Variants in SCEL observed in about 807,000 individuals in gnomAD.
SCEL encodes sciellin.
Under a neutral mutation model 117.6 loss-of-function variants are expected in SCEL, and 113 were observed. The ratio of observed to expected loss-of-function variants is 0.96; its 90% CI spans 0.83 to 1.12. The LOEUF is 1.12. SCEL is among the 50% of genes most tolerant of loss of function. The probability of loss-of-function intolerance (pLI) is 0.00; values close to 1 mark genes in which losing one functional copy is unlikely to be tolerated. For synonymous variants in SCEL, 270 were observed against 256.2 expected (o/e 1.05, Z -0.51); for missense variants, 785 against 810.8 (o/e 0.97, Z 0.39).
intron 8 of SCEL, 44 bp downstream of exon 8, chr13:77,569,495 A>G (rs779957863): frequency 1.1e-5 from 16 of 1,443,698 alleles, no homozygotes; most frequent in Non-Finnish European, 1.6e-5. Flanking sequence ...ATACACTATG[A>G]AAGACTGCAT....
At chr13:77,563,775 C>CTT in intron 4 of SCEL, 56 bp from the exon 5 acceptor site, 2 of 1,334,250 alleles carry the variant, frequency 1.5e-6, no homozygotes, top group African/African-American at 3.0e-5. Context: ...GTTTTATAAA[C>CTT]TTTTTTTTTG....
chr13:77,592,455 G>C lies in SCEL; in HGVS notation c.692+995G>C, dbSNP rs764128446. Reference sequence around the variant, plus strand: ...TTATGTGTATTCCAAATCAGCAAAAGTCGGTTACATTTCCCAACTTACTTG... The same window carrying C: ...TTATGTGTATTCCAAATCAGCAAAACTCGGTTACATTTCCCAACTTACTTG... On this transcript the variant is annotated intron_variant, in intron 11 of 32. Transcript: ENST00000349847. 2.0e-5 allele frequency among the ~76,000 whole-genome samples: 3 copies of C among 152,104 alleles called. No homozygotes were observed. In the East Asian group the frequency reaches 5.8e-4, roughly 29 times the overall value.
chr13:77,609,189 C>A, intron 21 of SCEL, 72 bp downstream of exon 21: 1 of 1,145,748 alleles, frequency 8.7e-7, no homozygotes, highest in Non-Finnish European at 1.2e-6. Context: ...AGCATCATTT[C>A]AGCTGACTGA....
intron 27 of SCEL, among the ~76,000 whole-genome samples, 167 bp downstream of exon 27, chr13:77,618,227 C>T (rs1007560960): frequency 1.3e-5 from 2 of 151,848 alleles, no homozygotes; most frequent in African/African-American, 2.4e-5. Context: ...ATCACCCAGG[C>T]TGGGGCACAG....
intron 31 of SCEL, among the ~76,000 whole-genome samples, chr13:77,642,336 G>A (rs758872999): frequency 1.3e-5 from 2 of 152,108 alleles, no homozygotes; most frequent in African/African-American, 4.8e-5. Context: ...CTGAAGCAGC[G>A]GTCAGCCCTT....
Position 77,637,162 on chromosome 13 carries a change from AT to A in SCEL, c.1807del (p.Tyr603ThrfsTer28). 1 of 1,563,174 alleles carries A rather than the reference AT, an allele frequency of 6.4e-7. No homozygotes were observed. The highest frequency in any genetic ancestry group is 8.6e-7 in the Non-Finnish European group (1 of 1,156,878). ...GATATCAGGAGAATATCTCTGGAAA[AT>A]ACATACAAACTGTTTATTCAACTTC... ...DGYQENISGKYIQTVYSTSDR... is the reference protein window; with the variant it reads ...DGYQENISGKXIQTVYSTSDR... On this transcript the variant is annotated frameshift_variant, in exon 30 of 33. Coordinates refer to ENST00000349847, the MANE Select transcript of SCEL (RefSeq NM_144777.3). LOFTEE classifies it high-confidence loss of function.
intron 12 of SCEL, among the ~76,000 whole-genome samples, chr13:77,595,768 G>T (rs77426719): frequency 8.7e-6 from 1 of 114,428 alleles, no homozygotes. Flanking sequence ...TAATTTTTTT[G>T]TTGTTGTTAG....
chr13:77,602,405 A>T (rs1229750249), intron 16 of SCEL: 4 of 484,778 alleles, frequency 8.3e-6, no homozygotes, highest in Non-Finnish European at 1.5e-5. Flanking sequence ...AAATTAAGAA[A>T]TATAAAGGAC....
intron 32 of SCEL, 33 bp downstream of exon 32, chr13:77,642,841 G>T: frequency 8.2e-7 from 1 of 1,215,120 alleles, no homozygotes; most frequent in Non-Finnish European, 1.2e-6. Flanking sequence ...TTAACACTTT[G>T]GTTAACCTTA....
At chr13:77,639,162 G>A (rs898443261) in intron 30 of SCEL, among the ~76,000 whole-genome samples, 2 of 152,068 alleles carry the variant, frequency 1.3e-5, no homozygotes, top group African/African-American at 2.4e-5. Context: ...CTAGATCAGT[G>A]CCTGTGGAAT....
intron 9 of SCEL, among the ~76,000 whole-genome samples, chr13:77,586,241 C>T (rs1011417173): frequency 6.6e-6 from 1 of 152,128 alleles, no homozygotes; most frequent in African/African-American, 2.4e-5. Flanking sequence ...ACCTTCTCCC[C>T]GATGATCTTG....
chr13:77,638,186 C>G (rs1372193416), intron 30 of SCEL, among the ~76,000 whole-genome samples: 1 of 152,142 alleles, frequency 6.6e-6, no homozygotes, highest in African/African-American at 2.4e-5. Flanking sequence ...AAACATGAAC[C>G]TATGTTCCAT....
chr13:77,616,411 A>G (rs544594346), intron 24 of SCEL, among the ~76,000 whole-genome samples: 29 of 152,158 alleles, frequency 1.9e-4, no homozygotes, highest in African/African-American at 6.7e-4. Context: ...GTTTAGTTTT[A>G]TGACAGATTT....
chr13:77,589,791 T>A (rs542336827), intron 10 of SCEL, among the ~76,000 whole-genome samples: 1 of 152,154 alleles, frequency 6.6e-6, no homozygotes, highest in Non-Finnish European at 1.5e-5. Context: ...GATGTTCTAA[T>A]TGACTTGTCT....
chr13:77,616,296 T>G (rs1018786876), intron 24 of SCEL, among the ~76,000 whole-genome samples: 1 of 152,018 alleles, frequency 6.6e-6, no homozygotes. Flanking sequence ...TTTTTAAAAG[T>G]GTGGCTTTTG....
At chr13:77,555,039 T>A (rs1038776019) in intron 1 of SCEL, among the ~76,000 whole-genome samples, 1 of 152,142 alleles carries the variant, frequency 6.6e-6, no homozygotes, top group African/African-American at 2.4e-5. Context: ...AAGAAAAATA[T>A]TGATATAATA....
At chr13:77,567,596 A>T in intron 5 of SCEL, 84 bp from the exon 6 acceptor site, 1 of 906,932 alleles carries the variant, frequency 1.1e-6, no homozygotes, top group Non-Finnish European at 1.8e-6. Context: ...CTATGTTGTT[A>T]AGCTATTCTA....
At chr13:77,642,949 A>G (rs1223060714) in intron 32 of SCEL, 141 bp downstream of exon 32, 7 of 487,830 alleles carry the variant, frequency 1.4e-5, no homozygotes, top group East Asian at 6.4e-5. Context: ...TATTTATACT[A>G]TGGTAGTATT....
intron 1 of SCEL, among the ~76,000 whole-genome samples, chr13:77,550,160 TG>T (rs2154394986): frequency 6.6e-6 from 1 of 151,768 alleles, no homozygotes; most frequent in South Asian, 2.1e-4. Context: ...CTGAGGCAGG[TG>T]GATGGCTTGA....
Sources: gnomAD v4.1 joint callset for allele counts (sites outside exome capture counted in the v4.1 genomes callset) on GRCh38, gnomAD v4.1.1 for gene constraint, MANE v1.5 for transcripts, NCBI Gene and HGNC (gene_info 2026-07-23, HGNC 2026-07-21) for gene names.